CENPP: variants seen among roughly 807,000 people sequenced by gnomAD.
The protein encoded by CENPP is centromere protein P.
Under a neutral mutation model 35.6 loss-of-function variants are expected in CENPP, and 24 were observed. The ratio of observed to expected loss-of-function variants is 0.67; its 90% CI spans 0.49 to 0.95. CENPP has a LOEUF of 0.95. Among genes scored for constraint, CENPP ranks in the 40% least tolerant of loss-of-function variants. The pLI is 0.00. For missense variants in CENPP, 332 were observed against 345.3 expected (o/e 0.96, Z 0.31); for synonymous variants, 120 against 125.5 (o/e 0.96, Z 0.29).
intron 5 of CENPP, among the ~76,000 whole-genome samples, chr9:92,605,753 C>G (rs1206420553): frequency 2.0e-5 from 3 of 152,024 alleles, no homozygotes; most frequent in Non-Finnish European, 4.4e-5. Flanking sequence ...GGTTTCTTAG[C>G]TATGACACCA....
chr9:92,588,689 A>C (rs1030099135), intron 5 of CENPP, among the ~76,000 whole-genome samples: 1 of 152,104 alleles, frequency 6.6e-6, no homozygotes, highest in Non-Finnish European at 1.5e-5. Context: ...TCTTCCATAA[A>C]CCCATAAGAG....
chr9:92,537,219 A>G (rs1849203011), intron 5 of CENPP, among the ~76,000 whole-genome samples: 1 of 152,090 alleles, frequency 6.6e-6, no homozygotes, highest in African/African-American at 2.4e-5. Flanking sequence ...ATCATTTGGC[A>G]AAGAGGAGCT....
At chr9:92,590,125 A>T (rs1850632861) in intron 5 of CENPP, among the ~76,000 whole-genome samples, 2 of 152,220 alleles carry the variant, frequency 1.3e-5, no homozygotes, top group Admixed American at 1.3e-4. Flanking sequence ...ACTGGCAGGC[A>T]CTGGTTGAGC....
intron 4 of CENPP, among the ~76,000 whole-genome samples, chr9:92,376,852 C>T (rs1035986083): frequency 6.6e-6 from 1 of 152,042 alleles, no homozygotes; most frequent in Non-Finnish European, 1.5e-5. Flanking sequence ...ACCAGCCTGG[C>T]CAATATGGTG....
rs1850710263 is a variant in CENPP at position 92,593,501 on chromosome 9, C to T, written c.565-17813C>T. Reference sequence around the variant, plus strand: ...CATTTCCCCTAATTCAAGAGCTATTCTATGTTGAAATATGAATAGCTATAA... The same window carrying T: ...CATTTCCCCTAATTCAAGAGCTATTTTATGTTGAAATATGAATAGCTATAA... On this transcript the variant is annotated intron_variant, in intron 5 of 7. Coordinates refer to ENST00000375587, the MANE Select transcript of CENPP (RefSeq NM_001012267.3). The surrounding 1 kb of genome is among the most constrained non-coding windows in gnomAD (Gnocchi z 4.1). 6.6e-6 allele frequency among the ~76,000 whole-genome samples: 1 copy of T among 152,144 alleles called. No homozygotes were observed. Among genetic ancestry groups the T allele is most frequent in the South Asian group, 2.1e-4 (1 of 4,830 alleles).
chr9:92,578,676 G>A (rs1305982494), intron 5 of CENPP, among the ~76,000 whole-genome samples: 1 of 152,000 alleles, frequency 6.6e-6, no homozygotes. Context: ...ATTTGTTGGA[G>A]TTCATTGTAG....
At chr9:92,566,906 A>G (rs142094957) in intron 5 of CENPP, among the ~76,000 whole-genome samples, 1 of 152,256 alleles carries the variant, frequency 6.6e-6, no homozygotes, top group Non-Finnish European at 1.5e-5. Context: ...ATTCAAAGAT[A>G]CACCTGTGCA....
chr9:92,462,034 G>A (rs1037164312), intron 5 of CENPP, among the ~76,000 whole-genome samples: 2 of 151,950 alleles, frequency 1.3e-5, no homozygotes, highest in Admixed American at 1.3e-4. Context: ...CTGGAGTGTA[G>A]TAGCGCAGTC....
rs1851327676 is a variant in CENPP at position 92,613,279 on chromosome 9, A to G, written c.*130A>G. On this transcript the variant is annotated 3_prime_UTR_variant, in exon 8 of 8. Coordinates refer to ENST00000375587, the MANE Select transcript of CENPP (RefSeq NM_001012267.3). ...GACGTGCTGTCTATGCAGTTATGGC[A>G]CATTATATGGAAACTCTCATGACAT... is the stretch of plus-strand genomic sequence containing the variant. 1 of 998,324 alleles carries G rather than the reference A, an allele frequency of 1.0e-6. No homozygotes were observed. The highest frequency in any genetic ancestry group is 1.5e-6 in the Non-Finnish European group (1 of 668,896). The allele number at this position is 998,324 out of a possible 1,614,324, so 61.8% of individuals were successfully genotyped here. A position where few individuals can be genotyped will look rare whatever the true frequency, so the allele number is the denominator to read the frequency against.
chr9:92,587,427 C>A (rs1203055812), intron 5 of CENPP, among the ~76,000 whole-genome samples: 1 of 152,090 alleles, frequency 6.6e-6, no homozygotes, highest in East Asian at 1.9e-4. Context: ...CGAGATCATG[C>A]CGTTGCACTC....
chr9:92,545,006 G>T (rs1002634743), intron 5 of CENPP, among the ~76,000 whole-genome samples: 1 of 152,198 alleles, frequency 6.6e-6, no homozygotes, highest in African/African-American at 2.4e-5. Flanking sequence ...TTACCGGTGT[G>T]AGCAACCACG....
At chr9:92,403,881 A>G in intron 5 of CENPP, 1 of 189,320 alleles carries the variant, frequency 5.3e-6, no homozygotes, top group Non-Finnish European at 9.8e-6. Context: ...TATGAACAGA[A>G]ACAAGTTCCA....
intron 2 of CENPP, among the ~76,000 whole-genome samples, chr9:92,336,392 A>T (rs1175931884): frequency 2.0e-5 from 3 of 152,174 alleles, no homozygotes; most frequent in African/African-American, 7.2e-5. Context: ...CTGCTGACTC[A>T]TAATACCCGT....
chr9:92,486,113 G>C (rs975146672), intron 5 of CENPP, among the ~76,000 whole-genome samples: 1 of 152,128 alleles, frequency 6.6e-6, no homozygotes, highest in Non-Finnish European at 1.5e-5. Context: ...GGGTGTCAAG[G>C]GTGCCCTCCC....
Position 92,372,099 on chromosome 9 carries a change from C to CTTTTTTTTTTTTTTTTTTTT in CENPP, c.468-7651_468-7632dup, listed in dbSNP as rs71362382. Among the ~76,000 whole-genome samples, 66 of 30,688 alleles carry CTTTTTTTTTTTTTTTTTTTT rather than the reference C, an allele frequency of 2.2e-3. 1 individual carries two copies. Among genetic ancestry groups the CTTTTTTTTTTTTTTTTTTTT allele is most frequent in the East Asian group, 3.1e-3 (2 of 644 alleles). The allele number at this position is 30,688 out of a possible 152,430, so 20.1% of individuals were successfully genotyped here. On this transcript the variant is annotated intron_variant, in intron 4 of 7. Transcript: ENST00000375587. ...AGGTGTAAGCCACCATGCCAGCCAT[C>CTTTTTTTTTTTTTTTTTTTT]TTTTTTTTTTTTTTTTTTTTTTTTT...
chr9:92,443,459 A>C (rs1444943525), intron 5 of CENPP, among the ~76,000 whole-genome samples: 4 of 152,168 alleles, frequency 2.6e-5, no homozygotes, highest in Non-Finnish European at 5.9e-5. Flanking sequence ...TAGCTCGTTA[A>C]CTGAAAGACT....
chr9:92,448,589 A>G (rs1021298283), intron 5 of CENPP, among the ~76,000 whole-genome samples: 9 of 151,850 alleles, frequency 5.9e-5, no homozygotes, highest in Admixed American at 5.9e-4. Flanking sequence ...ATGAAATCCT[A>G]TGATTTCATC....
intron 5 of CENPP, chr9:92,465,073 A>G (rs746365449): frequency 2.2e-5 from 29 of 1,341,004 alleles, no homozygotes; most frequent in Non-Finnish European, 3.0e-5. Flanking sequence ...TAGGTTGTAT[A>G]TAAAGGAAAC....
chr9:92,365,459 G>A (rs1488971117), intron 4 of CENPP, among the ~76,000 whole-genome samples: 2 of 141,646 alleles, frequency 1.4e-5, no homozygotes, highest in African/African-American at 5.4e-5. Context: ...CACTCACGCT[G>A]GAGTTCAGGG....
Sources: allele counts gnomAD v4.1 joint callset (sites outside exome capture counted in the v4.1 genomes callset), GRCh38; gene constraint gnomAD v4.1.1; non-coding constraint Gnocchi (gnomAD v3.1); transcripts MANE v1.5; gene names NCBI Gene and HGNC (gene_info 2026-07-23, HGNC 2026-07-21).